PLEKHB2: variants seen among roughly 807,000 people sequenced by gnomAD.
PLEKHB2 encodes the protein pleckstrin homology domain-containing family B member 2.
PLEKHB2 carries 31 observed loss-of-function variants against 36.5 expected under a neutral mutation model. That is an observed-to-expected ratio of 0.85 (90% CI 0.64 to 1.15). The LOEUF (loss-of-function observed/expected upper bound fraction) is 1.15, where lower values mean the gene tolerates loss of function less well. PLEKHB2 is among the 50% of genes most tolerant of loss of function. The probability of loss-of-function intolerance (pLI) is 0.00; values close to 1 mark genes in which losing one functional copy is unlikely to be tolerated. For synonymous variants in PLEKHB2, 119 were observed against 112.0 expected (o/e 1.06, Z -0.39); for missense variants, 262 against 295.3 (o/e 0.89, Z 0.83).
At chr2:131,134,000 C>T (rs1015126769) in intron 6 of PLEKHB2, among the ~76,000 whole-genome samples, 16 of 148,368 alleles carry the variant, frequency 1.1e-4, no homozygotes, top group African/African-American at 3.2e-4. Flanking sequence ...CCTGGGTTCT[C>T]GGCATTCTCC....
In PLEKHB2 at chr2:131,132,913, C is replaced by A; in HGVS notation, c.345C>A (p.Gly115=). Residue 115 remains glycine, a synonymous_variant, in exon 6 of 8, where the codon GGC becomes GGA. Coordinates refer to ENST00000693505, the MANE Select transcript of PLEKHB2 (RefSeq NM_001100623.2). ...CCTGTCTCCCGCAGGCGTATGTGGG[C>A]TCTGCAGTCATGACCGATGAGACAT... ...QDSRTNTAYV[G]SAVMTDETSV... 6.2e-7 allele frequency: 1 copy of A among 1,608,550 alleles called. No homozygotes were observed. Among genetic ancestry groups the A allele is most frequent in the Non-Finnish European group, 8.5e-7 (1 of 1,174,920 alleles).
At chr2:131,140,086 G>T in intron 6 of PLEKHB2, 81 bp from the exon 7 acceptor site, 4 of 754,334 alleles carry the variant, frequency 5.3e-6, no homozygotes, top group Non-Finnish European at 6.5e-6. Context: ...GAATTTTATT[G>T]ATTGCAACCT....
rs1699363187 is a variant in PLEKHB2 at position 131,147,211 on chromosome 2, G to A, written c.*438G>A. On this transcript the variant is annotated 3_prime_UTR_variant, in exon 8 of 8. Coordinates refer to ENST00000693505, the MANE Select transcript of PLEKHB2 (RefSeq NM_001100623.2). ...TTCAAACCACAGACCAGAACTGGTTGCATGTTACTTTAGGAGTTGTGGGTT... is the reference window on the plus strand; with the variant it reads ...TTCAAACCACAGACCAGAACTGGTTACATGTTACTTTAGGAGTTGTGGGTT... 6.6e-6 allele frequency: 1 copy of A among 152,522 alleles called. No individual in the cohort carries two copies. The highest frequency in any genetic ancestry group is 6.5e-5 in the Admixed American group (1 of 15,292). The allele number at this position is 152,522 out of a possible 1,614,324, so 9.4% of individuals were successfully genotyped here.
intron 7 of PLEKHB2, chr2:131,144,469 TC>T (rs1699091109): frequency 8.7e-7 from 1 of 1,155,206 alleles, no homozygotes; most frequent in Non-Finnish European, 1.1e-6. Flanking sequence ...AGAGCAGACT[TC>T]TAGATTTGGG....
chr2:131,109,390 G>A (rs1174813215), intron 1 of PLEKHB2, among the ~76,000 whole-genome samples: 5 of 152,168 alleles, frequency 3.3e-5, no homozygotes, highest in Non-Finnish European at 5.9e-5. Context: ...CATGTACATA[G>A]ATTGAAAGAC....
intron 1 of PLEKHB2, among the ~76,000 whole-genome samples, chr2:131,112,097 T>C (rs566292120): frequency 7.6e-4 from 116 of 152,314 alleles, no homozygotes; most frequent in African/African-American, 2.8e-3. Flanking sequence ...TATGCGACTT[T>C]AGAGGGTTGG....
chr2:131,141,968 C>T (rs1049080113), intron 7 of PLEKHB2, among the ~76,000 whole-genome samples: 27 of 152,178 alleles, frequency 1.8e-4, no homozygotes, highest in African/African-American at 6.5e-4. Flanking sequence ...CTAGTTATTT[C>T]AGTTCATGGC....
At chr2:131,106,148 G>A (rs115926742) in intron 1 of PLEKHB2, among the ~76,000 whole-genome samples, 3,073 of 152,232 alleles carry the variant, frequency 0.02, 111 homozygotes, top group African/African-American at 0.07. Context: ...TCCCCGCCCC[G>A]CCACCCCGCT....
chr2:131,135,134 C>G (rs185607886), intron 6 of PLEKHB2, among the ~76,000 whole-genome samples: 2 of 151,690 alleles, frequency 1.3e-5, no homozygotes, highest in Non-Finnish European at 1.5e-5. Context: ...TGCAGTGGCG[C>G]GATCTTGGCT....
At chr2:131,139,888 C>T (rs1452773956) in intron 6 of PLEKHB2, among the ~76,000 whole-genome samples, 2 of 152,232 alleles carry the variant, frequency 1.3e-5, no homozygotes, top group Non-Finnish European at 2.9e-5. Flanking sequence ...GTTAACAGCA[C>T]AGCTGAATTG....
At chr2:131,111,976 C>G (rs1028873311) in intron 1 of PLEKHB2, among the ~76,000 whole-genome samples, 6 of 152,092 alleles carry the variant, frequency 3.9e-5, no homozygotes, top group Non-Finnish European at 7.4e-5. Flanking sequence ...CTTACAACTC[C>G]TATTTAATAC....
At chr2:131,144,084 TACAC>T (rs1699053098) in intron 7 of PLEKHB2, among the ~76,000 whole-genome samples, 1 of 152,154 alleles carries the variant, frequency 6.6e-6, no homozygotes, top group Admixed American at 6.5e-5. Flanking sequence ...TTGTGGTCGA[TACAC>T]AGCAGCTTGT....
At chr2:131,123,503 T>G (rs758669016) in intron 2 of PLEKHB2, among the ~76,000 whole-genome samples, 4 of 152,180 alleles carry the variant, frequency 2.6e-5, no homozygotes, top group Non-Finnish European at 4.4e-5. Context: ...CCTGTCTCTG[T>G]GTTTCTGTGG....
At chr2:131,116,243 C>T (rs1416254102) in intron 1 of PLEKHB2, among the ~76,000 whole-genome samples, 2 of 152,058 alleles carry the variant, frequency 1.3e-5, no homozygotes, top group Non-Finnish European at 2.9e-5. Flanking sequence ...TCAAGTGGCC[C>T]GAGTTGTTTC....
chr2:131,129,638 G>A (rs940006855), intron 4 of PLEKHB2, among the ~76,000 whole-genome samples: 6 of 111,002 alleles, frequency 5.4e-5, no homozygotes, highest in Non-Finnish European at 1.3e-4. Flanking sequence ...TGGAGTAGCT[G>A]AAATTACAGG....
intron 5 of PLEKHB2, among the ~76,000 whole-genome samples, chr2:131,132,276 T>C (rs1157812896): frequency 6.6e-6 from 1 of 152,180 alleles, no homozygotes; most frequent in Non-Finnish European, 1.5e-5. Flanking sequence ...GTAGAGTTTT[T>C]ATTTGTGAAT....
At chr2:131,113,456 G>A (rs532141803) in intron 1 of PLEKHB2, among the ~76,000 whole-genome samples, 2 of 152,268 alleles carry the variant, frequency 1.3e-5, no homozygotes, top group South Asian at 2.1e-4. Flanking sequence ...GTTGATTGTT[G>A]TGACGTGAGA....
intron 3 of PLEKHB2, among the ~76,000 whole-genome samples, chr2:131,126,385 A>G (rs111930058): frequency 0.022 from 3,281 of 152,226 alleles, 122 homozygotes; most frequent in African/African-American, 0.075. Context: ...AAAATTAGCC[A>G]GGTGTGGTGG....
chr2:131,107,848 G>A (rs1376463899), intron 1 of PLEKHB2: 1 of 152,208 alleles, frequency 6.6e-6, no homozygotes, highest in Non-Finnish European at 1.5e-5. Flanking sequence ...ATTTTTAATA[G>A]AGATGGGGTT....
Sources: gnomAD v4.1 joint callset for allele counts (sites outside exome capture counted in the v4.1 genomes callset) on GRCh38, gnomAD v4.1.1 for gene constraint, MANE v1.5 for transcripts, NCBI Gene and HGNC (gene_info 2026-07-23, HGNC 2026-07-21) for gene names.